MTUS1: variants seen among roughly 807,000 people sequenced by gnomAD.
MTUS1 encodes the protein microtubule associated scaffold protein 1, also known as microtubule-associated tumor suppressor 1.
Under a neutral mutation model 120.8 loss-of-function variants are expected in MTUS1, and 109 were observed. That is an observed-to-expected ratio of 0.90 (90% CI 0.77 to 1.06). The LOEUF (loss-of-function observed/expected upper bound fraction) is 1.06. Ranked by LOEUF, MTUS1 falls within the 50% of genes least tolerant of loss-of-function variation. MTUS1 has a pLI of 0.00. For synonymous variants in MTUS1, 737 were observed against 550.5 expected (o/e 1.34, Z -4.74); for missense variants, 2,210 against 1,486.3 (o/e 1.49, Z -8.01).
intron 8 of MTUS1, among the ~76,000 whole-genome samples, chr8:17,673,846 G>C (rs1256285906): frequency 1.3e-5 from 2 of 152,278 alleles, no homozygotes; most frequent in South Asian, 2.1e-4. Flanking sequence ...AGCAAATCAG[G>C]TTGGCAGTGT....
chr8:17,738,668 C>A (rs1417759681), intron 3 of MTUS1, among the ~76,000 whole-genome samples: 1 of 152,106 alleles, frequency 6.6e-6, no homozygotes, highest in Non-Finnish European at 1.5e-5. Flanking sequence ...AAACCATCAC[C>A]TAGGTATTAA....
intron 8 of MTUS1, chr8:17,674,596 G>A (rs1812691561): frequency 2.0e-6 from 2 of 986,002 alleles, no homozygotes; most frequent in Admixed American, 6.2e-5. Flanking sequence ...AGGGCTGGGT[G>A]GTGGGTGTTG....
At position 17,655,992 on chromosome 8, in the gene MTUS1, G is replaced by A; in HGVS notation, c.2979C>T (p.Val993=). 1.2e-6 allele frequency: 2 copies of A among 1,614,184 alleles called. No homozygotes were observed. The highest frequency in any genetic ancestry group is 1.7e-6 in the Non-Finnish European group (2 of 1,180,034). ...CTGTTTTTTCAGCCTGGTGCTGCTGGACGAATGCTTCATACACTGTTTGTA... is the reference window on the plus strand; with the variant it reads ...CTGTTTTTTCAGCCTGGTGCTGCTGAACGAATGCTTCATACACTGTTTGTA... The part of the protein sequence containing the change: ...NELQTVYEAF[V]QQHQAEKTER... Residue 993 remains valine (V), a synonymous_variant, in exon 9 of 15, where the codon GTC becomes GTT. Transcript: ENST00000693296.
At chr8:17,775,228 A>C (rs447516) in intron 1 of MTUS1, among the ~76,000 whole-genome samples, 37,083 of 152,070 alleles carry the variant, frequency 0.24, 4,673 homozygotes, top group East Asian at 0.39. Flanking sequence ...ACACTCAAAA[A>C]TGGTTGAAAA....
intron 6 of MTUS1, among the ~76,000 whole-genome samples, chr8:17,699,512 C>A (rs564232862): frequency 6.2e-4 from 95 of 152,240 alleles, no homozygotes; most frequent in Admixed American, 3.5e-3. Flanking sequence ...CCACGCCCAG[C>A]CTTAAATTAT....
At chr8:17,671,173 T>C (rs1452941659) in intron 8 of MTUS1, among the ~76,000 whole-genome samples, 3 of 151,984 alleles carry the variant, frequency 2.0e-5, no homozygotes, top group African/African-American at 2.4e-5. Flanking sequence ...TATATTCATA[T>C]AAACTAAGAA....
In MTUS1 at chr8:17,655,888, T is replaced by G. The variant is rs1214152611; in HGVS notation, c.3083A>C (p.Lys1028Thr). The G allele has an allele frequency of 6.8e-6, 11 of 1,614,120 alleles. No homozygotes were observed. Among genetic ancestry groups the G allele is most frequent in the Non-Finnish European group, 8.5e-6 (10 of 1,180,054 alleles). The change falls in exon 9 of 15, where the codon AAG (lysine) becomes ACG (threonine). Residue 1028 changes from lysine (K) to threonine (T), a missense_variant. Coordinates refer to ENST00000693296, the MANE Select transcript of MTUS1 (RefSeq NM_001363059.2). The stretch of plus-strand genomic sequence containing the variant: ...CTGCTCTTGCAATTGCATTTTGTAC[T>G]TCTCTGCTTCTTCAATGTAAGTGTC... ...LRDTYIEEAE[K>T]YKMQLQEQFD... is the part of the protein sequence containing the mutation.
intron 3 of MTUS1, among the ~76,000 whole-genome samples, chr8:17,738,561 T>C (rs1024172006): frequency 6.6e-6 from 1 of 152,214 alleles, no homozygotes; most frequent in Non-Finnish European, 1.5e-5. Flanking sequence ...TTATTATTAC[T>C]GTATTTTTTA....
At chr8:17,654,458 G>A (rs1807754013) in intron 10 of MTUS1, 103 bp downstream of exon 10, 1 of 830,452 alleles carries the variant, frequency 1.2e-6, no homozygotes, top group East Asian at 2.6e-5. Context: ...GAAGGCCACA[G>A]GGCATTCGCT....
intron 1 of MTUS1, among the ~76,000 whole-genome samples, chr8:17,798,951 T>C (rs567909391): frequency 6.6e-6 from 1 of 152,154 alleles, no homozygotes; most frequent in African/African-American, 2.4e-5. Context: ...GTTCAAATCA[T>C]CTGTAATCAA....
intron 3 of MTUS1, among the ~76,000 whole-genome samples, chr8:17,733,020 G>C (rs756887296): frequency 1.3e-5 from 2 of 152,070 alleles, no homozygotes; most frequent in Non-Finnish European, 2.9e-5. Context: ...AGTCACTCCA[G>C]TTCAAACTCC....
At chr8:17,723,559 G>T in intron 4 of MTUS1, 113 bp downstream of exon 4, 1 of 1,075,474 alleles carries the variant, frequency 9.3e-7, no homozygotes, top group Non-Finnish European at 1.4e-6. Context: ...GAAGCAGTAT[G>T]CCTATTTTTC....
intron 1 of MTUS1, among the ~76,000 whole-genome samples, chr8:17,773,532 G>A (rs1586321501): frequency 1.3e-5 from 2 of 152,276 alleles, no homozygotes; most frequent in South Asian, 2.1e-4. Context: ...GGGTTCTGCA[G>A]GCTTAGAGTC....
chr8:17,676,682 T>C (rs1813194985), intron 7 of MTUS1, among the ~76,000 whole-genome samples: 1 of 152,154 alleles, frequency 6.6e-6, no homozygotes, highest in Admixed American at 6.5e-5. Flanking sequence ...TCTGCATGGA[T>C]AATGGAGTTA....
chr8:17,670,411 G>A (rs1255323716), intron 8 of MTUS1, among the ~76,000 whole-genome samples: 1 of 152,172 alleles, frequency 6.6e-6, no homozygotes, highest in African/African-American at 2.4e-5. Flanking sequence ...TATTTAAGGG[G>A]TAAGTGAACG....
chr8:17,719,556 C>T (rs191989792), intron 4 of MTUS1, among the ~76,000 whole-genome samples: 1 of 152,328 alleles, frequency 6.6e-6, no homozygotes, highest in East Asian at 1.9e-4. Context: ...TGCGTAAGTA[C>T]TAACATGTTT....
At chr8:17,736,245 A>C (rs1030166385) in intron 3 of MTUS1, among the ~76,000 whole-genome samples, 2 of 152,242 alleles carry the variant, frequency 1.3e-5, no homozygotes, top group African/African-American at 4.8e-5. Context: ...TTTACAAGTG[A>C]TGATGTCCGT....
At chr8:17,696,651 AAAT>A (rs1393284139) in intron 6 of MTUS1, among the ~76,000 whole-genome samples, 1 of 152,194 alleles carries the variant, frequency 6.6e-6, no homozygotes, top group East Asian at 1.9e-4. Context: ...TAGGCACCGA[AAAT>A]AATAAGCAGA....
At position 17,728,528 on chromosome 8, in the gene MTUS1, A is replaced by C. The variant is rs188783072; in HGVS notation, c.2288-4695T>G. Among the ~76,000 whole-genome samples the C allele has an allele frequency of 1.7e-3, 257 of 152,350 alleles. 1 individual carries two copies. The highest frequency in any genetic ancestry group is 0.01 in the Middle Eastern group (3 of 294). On this transcript the variant is annotated intron_variant, in intron 3 of 14. Transcript: ENST00000693296. ...AATCACAAAGTTCAAACATATACAGAGCCAGAACCACCTGACATCCTGCCA... is the reference window on the plus strand; with the variant it reads ...AATCACAAAGTTCAAACATATACAGCGCCAGAACCACCTGACATCCTGCCA...
Sources: gnomAD v4.1 joint callset for allele counts (sites outside exome capture counted in the v4.1 genomes callset) on GRCh38, gnomAD v4.1.1 for gene constraint, MANE v1.5 for transcripts, NCBI Gene and HGNC (gene_info 2026-07-23, HGNC 2026-07-21) for gene names.